Variants in VPS13B observed in about 807,000 individuals in gnomAD.
The protein encoded by VPS13B is intermembrane lipid transfer protein VPS13B.
In VPS13B, 285 loss-of-function variants were observed where a neutral mutation model predicts 426.4. The ratio of observed to expected loss-of-function variants is 0.67; its 90% confidence interval spans 0.61 to 0.74. The LOEUF (loss-of-function observed/expected upper bound fraction) is 0.74, where lower values mean the gene tolerates loss of function less well. Ranked by LOEUF, VPS13B falls within the 30% of genes least tolerant of loss-of-function variation. The probability of loss-of-function intolerance (pLI) is 0.00; values close to 1 mark genes in which losing one functional copy is unlikely to be tolerated. For missense variants in VPS13B, 4,537 were observed against 4,782.6 expected, an observed-to-expected ratio of 0.95 and a Z score of 1.51; for synonymous variants, 1,676 against 1,676.4, an observed-to-expected ratio of 1.00 and a Z score of 0.01.
chr8:99,370,711 G>C (rs1385891935), intron 19 of VPS13B, among the ~76,000 whole-genome samples: 1 of 146,038 alleles, frequency 6.8e-6, no homozygotes, highest in Non-Finnish European at 1.5e-5. Flanking sequence ...CAGAGTTCAA[G>C]TGATACTCCT....
At chr8:99,665,031 C>T (rs1830423085) in intron 35 of VPS13B, among the ~76,000 whole-genome samples, 1 of 152,176 alleles carries the variant, frequency 6.6e-6, no homozygotes, top group Non-Finnish European at 1.5e-5. Context: ...GGGATGGTAT[C>T]TCATTGCGGT....
chr8:99,657,826 A>AT (rs1217538057), intron 34 of VPS13B, among the ~76,000 whole-genome samples: 4 of 152,182 alleles, frequency 2.6e-5, no homozygotes, highest in Non-Finnish European at 4.4e-5. Flanking sequence ...TTCCAAGGAC[A>AT]TGTACATTTA....
At chr8:99,016,949 A>T (rs1841654750) in intron 2 of VPS13B, among the ~76,000 whole-genome samples, 1 of 151,808 alleles carries the variant, frequency 6.6e-6, no homozygotes, top group Non-Finnish European at 1.5e-5. Flanking sequence ...TGCAGTATTT[A>T]CTCTCAGTTT....
chr8:99,234,030 CA>C (rs1280541507), intron 17 of VPS13B: 10 of 775,514 alleles, frequency 1.3e-5, no homozygotes, highest in Non-Finnish European at 2.4e-5. Context: ...ACCATGGCAC[CA>C]ACAAACTGGG....
At position 99,349,332 on chromosome 8, in the gene VPS13B, C is replaced by CAAAAA. The variant is rs35441676; in HGVS notation, c.2825-34857_2825-34853dup. Among the ~76,000 whole-genome samples the CAAAAA allele has an allele frequency of 9.1e-3, 432 of 47,596 alleles. 32 individuals are homozygous for CAAAAA. The highest frequency in any genetic ancestry group is 0.033 in the Middle Eastern group (1 of 30). The allele number at this position is 47,596 out of a possible 152,430, so 31.2% of individuals were successfully genotyped here. On this transcript the variant is annotated intron_variant, in intron 19 of 61. Transcript: ENST00000357162. ...TGGGCGACAGAGCGAGACTCCGTCTCAAAAAAAAAAAAAAAAAAAAAAAGA... is the reference window on the plus strand; with the variant it reads ...TGGGCGACAGAGCGAGACTCCGTCTCAAAAAAAAAAAAAAAAAAAAAAAAAAAAGA...
intron 30 of VPS13B, among the ~76,000 whole-genome samples, chr8:99,524,773 A>C (rs781046800): frequency 6.6e-6 from 1 of 152,140 alleles, no homozygotes; most frequent in African/African-American, 2.4e-5. Flanking sequence ...AGCCTGGGGG[A>C]CAGAGAGAGA....
chr8:99,074,952 G>A (rs1845041429), intron 3 of VPS13B, among the ~76,000 whole-genome samples: 1 of 152,026 alleles, frequency 6.6e-6, no homozygotes, highest in Non-Finnish European at 1.5e-5. Context: ...TTTTTTAATT[G>A]TTGTTGTGTC....
Position 99,836,573 on chromosome 8 carries a change from G to A in VPS13B, c.9942+835G>A, listed in dbSNP as rs554684044. Among the ~76,000 whole-genome samples the A allele has an allele frequency of 1.1e-4, 17 of 152,104 alleles. No homozygotes were observed. The South Asian group carries it at 2.9e-3, about 26-fold the overall frequency. The stretch of plus-strand genomic sequence containing the variant: ...ACCTAGCATAATGTTCTCAAGTTTC[G>A]TTCATGTTTTAGCATGGATCAGAAC... On this transcript the variant is annotated intron_variant, in intron 54 of 61. Transcript: ENST00000357162.
At chr8:99,478,831 TAA>T (rs57445772) in intron 24 of VPS13B, among the ~76,000 whole-genome samples, 28,508 of 136,358 alleles carry the variant, frequency 0.21, 3,138 homozygotes, top group East Asian at 0.39. Context: ...TGTTTTTGTG[TAA>T]AAAAAAAAAA....
Position 99,556,661 on chromosome 8 carries a change from A to G in VPS13B, c.4949+8A>G. The stretch of plus-strand genomic sequence containing the variant: ...GTGGAATATGGCCAGCAGGTAGGAA[A>G]TGATTGAGAAACTTTCTACTCTTTC... On this transcript the variant is annotated splice_region_variant and intron_variant, in intron 31 of 61. Coordinates refer to ENST00000357162, the MANE Select transcript of VPS13B (RefSeq NM_152564.5). The G allele has an allele frequency of 6.2e-7, 1 of 1,611,998 alleles. No homozygotes were observed. The highest frequency in any genetic ancestry group is 8.5e-7 in the Non-Finnish European group (1 of 1,178,880).
At chr8:99,549,799 A>G (rs537778920) in intron 30 of VPS13B, among the ~76,000 whole-genome samples, 6 of 152,170 alleles carry the variant, frequency 3.9e-5, no homozygotes, top group Admixed American at 2.6e-4. Context: ...CAGGGTTTCT[A>G]GATGTGCTAC....
chr8:99,178,725 G>A (rs201306007), intron 16 of VPS13B, among the ~76,000 whole-genome samples: 1 of 151,934 alleles, frequency 6.6e-6, no homozygotes, highest in Non-Finnish European at 1.5e-5. Context: ...GGGTTCAAGC[G>A]ATTCTCCTGC....
intron 43 of VPS13B, among the ~76,000 whole-genome samples, chr8:99,805,338 G>T (rs189325985): frequency 3.2e-4 from 49 of 151,968 alleles, no homozygotes; most frequent in Middle Eastern, 3.4e-3. Flanking sequence ...AATGAATAGT[G>T]AAATATGTAA....
Position 99,314,462 on chromosome 8 carries a change from G to C in VPS13B, c.2824+39208G>C, listed in dbSNP as rs765248214. Among the ~76,000 whole-genome samples the C allele has an allele frequency of 4.6e-4, 70 of 152,126 alleles. 1 individual carries two copies. The highest frequency in any genetic ancestry group is 5.9e-4 in the Non-Finnish European group (40 of 68,016). On this transcript the variant is annotated intron_variant, in intron 19 of 61. Transcript: ENST00000357162. Reference sequence around the variant, plus strand: ...TTAGTCTAAAGTACAGCTTAAATCTGGTTATTTCATTGTTAATTTTCTGTC... The same window carrying C: ...TTAGTCTAAAGTACAGCTTAAATCTCGTTATTTCATTGTTAATTTTCTGTC...
At chr8:99,073,695 T>A (rs1210121485) in intron 3 of VPS13B, among the ~76,000 whole-genome samples, 2 of 120,934 alleles carry the variant, frequency 1.7e-5, no homozygotes, top group African/African-American at 6.3e-5. Flanking sequence ...TTGGATTTTC[T>A]TTCCTTTTTT....
intron 33 of VPS13B, among the ~76,000 whole-genome samples, chr8:99,615,685 G>C (rs1828055143): frequency 2.6e-5 from 4 of 152,096 alleles, no homozygotes; most frequent in Admixed American, 2.6e-4. Flanking sequence ...ATAAATTTCT[G>C]TAAAATTTGT....
intron 28 of VPS13B, among the ~76,000 whole-genome samples, chr8:99,509,573 G>T (rs939713107): frequency 3.3e-5 from 5 of 152,142 alleles, no homozygotes; most frequent in African/African-American, 1.2e-4. Flanking sequence ...GGAAGAAAAT[G>T]GAAGCAATTG....
At chr8:99,831,741 A>C (rs1815073170) in intron 51 of VPS13B, among the ~76,000 whole-genome samples, 1 of 152,236 alleles carries the variant, frequency 6.6e-6, no homozygotes, top group Non-Finnish European at 1.5e-5. Flanking sequence ...CATGTTATCA[A>C]GTATTACAAG....
At chr8:99,393,062 A>C (rs986493697) in intron 21 of VPS13B, among the ~76,000 whole-genome samples, 6 of 152,120 alleles carry the variant, frequency 3.9e-5, no homozygotes, top group Non-Finnish European at 8.8e-5. Context: ...TTAAGAAAAT[A>C]AATGTCCATT....
Sources: gnomAD v4.1 joint callset for allele counts (sites outside exome capture counted in the v4.1 genomes callset) on GRCh38, gnomAD v4.1.1 for gene constraint, MANE v1.5 for transcripts, NCBI Gene and HGNC (gene_info 2026-07-23, HGNC 2026-07-21) for gene names.